USP37: variants seen among roughly 807,000 people sequenced by gnomAD.
The protein encoded by USP37 is ubiquitin specific peptidase 37, also known as ubiquitin carboxyl-terminal hydrolase 37.
In USP37, 27 loss-of-function variants were observed where a neutral mutation model predicts 124.0. The ratio of observed to expected loss-of-function variants is 0.22; its 90% CI spans 0.16 to 0.30. The LOEUF is 0.30. USP37 is among the 10% of genes least tolerant of loss of function. USP37 has a pLI of 1.00. For synonymous variants in USP37, 365 were observed against 388.0 expected, an observed-to-expected ratio of 0.94 and a Z score of 0.70; for missense variants, 889 against 1,140.4, an observed-to-expected ratio of 0.78 and a Z score of 3.17.
intron 23 of USP37, among the ~76,000 whole-genome samples, chr2:218,459,300 G>C (rs950673339): frequency 6.6e-6 from 1 of 152,116 alleles, no homozygotes; most frequent in Non-Finnish European, 1.5e-5. Flanking sequence ...CTCTTCCCAG[G>C]TTCAGGTGAT....
chr2:218,557,039 A>G (rs1693025755), intron 4 of USP37, among the ~76,000 whole-genome samples: 1 of 148,616 alleles, frequency 6.7e-6, no homozygotes, highest in Non-Finnish European at 1.5e-5. Context: ...TTTGTTTCTG[A>G]ATTTTTTTTT....
chr2:218,512,814 G>A (rs758749732), intron 10 of USP37, among the ~76,000 whole-genome samples: 1 of 151,970 alleles, frequency 6.6e-6, no homozygotes, highest in Non-Finnish European at 1.5e-5. Flanking sequence ...TCTTTATATT[G>A]TAGTTGTTTC....
chr2:218,550,019 G>A, intron 5 of USP37, 110 bp from the exon 6 acceptor site: 1 of 757,042 alleles, frequency 1.3e-6, no homozygotes, highest in South Asian at 3.0e-5. Flanking sequence ...CGAAACAGCA[G>A]GCAAAAAAGA....
At chr2:218,471,020 A>G (rs527835006) in intron 20 of USP37, among the ~76,000 whole-genome samples, 57 of 152,312 alleles carry the variant, frequency 3.7e-4, no homozygotes, top group African/African-American at 1.3e-3. Context: ...GACATCATGG[A>G]GACTGAGAAA....
chr2:218,498,339 A>T (rs914892480), intron 11 of USP37, 182 bp from the exon 12 acceptor site: 2 of 467,290 alleles, frequency 4.3e-6, no homozygotes, highest in Non-Finnish European at 7.0e-6. Context: ...TGTCCAAAAA[A>T]AGAAGGCACA....
intron 8 of USP37, among the ~76,000 whole-genome samples, chr2:218,540,992 TTTAAAAGTGCAGAATGAAGAGGATCTCA>T (rs1691942103): frequency 6.6e-6 from 1 of 152,160 alleles, no homozygotes. Flanking sequence ...TGCAATACCC[TTTAAAAGTGCAGAATGAAGAGGATCTCA>T]TTAAGAATGG....
At chr2:218,497,646 GCCCA>G in intron 13 of USP37, 84 bp downstream of exon 13, 3 of 1,532,648 alleles carry the variant, frequency 2.0e-6, no homozygotes, top group Non-Finnish European at 2.7e-6. Context: ...CAGGTGACCT[GCCCA>G]CCTAGGCCTC....
chr2:218,493,487 T>C (rs1162545269), intron 14 of USP37, among the ~76,000 whole-genome samples: 1 of 152,232 alleles, frequency 6.6e-6, no homozygotes, highest in East Asian at 1.9e-4. Flanking sequence ...CTTTCTTTTT[T>C]TGAGATGGAG....
chr2:218,459,797 T>C lies in USP37; in HGVS notation c.2636A>G (p.Asn879Ser). The C allele has an allele frequency of 1.2e-6, 2 of 1,612,856 alleles. No homozygotes were observed. The highest frequency in any genetic ancestry group is 1.7e-6 in the Non-Finnish European group (2 of 1,179,164). The change falls in exon 23 of 26, where the codon AAT becomes AGT. Residue 879 changes from asparagine to serine, a missense_variant. Coordinates refer to ENST00000258399, the MANE Select transcript of USP37 (RefSeq NM_020935.3). ...AGGAATGAAAACAATTACCTCAGCA[T>C]TTCTTTTCAGTTCCTCAGCTTCAGC... Reference protein sequence around the residue: ...TEAEAEELKRNAETGNLPHSY... With the variant: ...TEAEAEELKRSAETGNLPHSY...
chr2:218,514,378 T>A (rs554423119), intron 10 of USP37: 34 of 152,340 alleles, frequency 2.2e-4, no homozygotes, highest in African/African-American at 7.9e-4. Context: ...CTTCTTTTTT[T>A]AATGGCTTTG....
intron 9 of USP37, among the ~76,000 whole-genome samples, chr2:218,532,700 C>T (rs896354964): frequency 6.6e-6 from 1 of 151,874 alleles, no homozygotes; most frequent in African/African-American, 2.4e-5. Context: ...GAGGCTGAGG[C>T]AGTGGATCAC....
At chr2:218,459,587 T>C (rs1574833371) in intron 23 of USP37, among the ~76,000 whole-genome samples, 1 of 150,626 alleles carries the variant, frequency 6.6e-6, no homozygotes, top group East Asian at 1.9e-4. Flanking sequence ...GTATTCCTGT[T>C]TTTTTTGTTT....
intron 10 of USP37, among the ~76,000 whole-genome samples, chr2:218,510,784 G>T (rs1241294198): frequency 6.6e-6 from 1 of 152,094 alleles, no homozygotes; most frequent in Non-Finnish European, 1.5e-5. Context: ...CTTGAGCTCA[G>T]GAGTTTGAGA....
At chr2:218,513,980 T>C (rs941907642) in intron 10 of USP37, among the ~76,000 whole-genome samples, 1 of 152,090 alleles carries the variant, frequency 6.6e-6, no homozygotes, top group Non-Finnish European at 1.5e-5. Flanking sequence ...CTGCTAATTT[T>C]TTTTTTAACT....
In USP37 at chr2:218,454,734, G is replaced by A. The variant is rs763103426; in HGVS notation, c.*196C>T. The A allele has an allele frequency of 4.3e-4, 468 of 1,096,282 alleles. 1 individual carries two copies. The highest frequency in any genetic ancestry group is 1.3e-4 in the Admixed American group (4 of 31,554). The allele number at this position is 1,096,282 out of a possible 1,614,324, so 67.9% of individuals were successfully genotyped here. On this transcript the variant is annotated 3_prime_UTR_variant, in exon 26 of 26. Transcript: ENST00000258399. Reference sequence around the variant, plus strand: ...GGAGAAAAAGAGGATAATCAGCTACGGATGTGAGACCAAAGTTTCCATAAA... The same window carrying A: ...GGAGAAAAAGAGGATAATCAGCTACAGATGTGAGACCAAAGTTTCCATAAA...
intron 8 of USP37, among the ~76,000 whole-genome samples, chr2:218,537,909 G>A (rs1452139806): frequency 6.6e-6 from 1 of 152,202 alleles, no homozygotes; most frequent in East Asian, 1.9e-4. Context: ...AAGAGACAGA[G>A]CATCTGACTG....
At chr2:218,557,930 C>CAAAAAAAAAAAAAAAAAAAAAAAA (rs61488353) in intron 4 of USP37, among the ~76,000 whole-genome samples, 14 of 35,664 alleles carry the variant, frequency 3.9e-4, no homozygotes, top group African/African-American at 5.8e-4. Flanking sequence ...GACTCTGTCT[C>CAAAAAAAAAAAAAAAAAAAAAAAA]AAAAAAAAAA....
At chr2:218,544,451 A>AGAGAGAGAGT (rs1692213475) in intron 8 of USP37, among the ~76,000 whole-genome samples, 1 of 144,752 alleles carries the variant, frequency 6.9e-6, no homozygotes, top group Non-Finnish European at 1.5e-5. Flanking sequence ...AGAGAGAGAG[A>AGAGAGAGAGT]GAGAGAGAGA....
intron 10 of USP37, among the ~76,000 whole-genome samples, chr2:218,514,723 C>A (rs549745283): frequency 6.6e-6 from 1 of 152,140 alleles, no homozygotes; most frequent in African/African-American, 2.4e-5. Flanking sequence ...AATTTTAGCA[C>A]CCAATGATAC....
Sources: gnomAD v4.1 joint callset for allele counts (sites outside exome capture counted in the v4.1 genomes callset) on GRCh38, gnomAD v4.1.1 for gene constraint, MANE v1.5 for transcripts, NCBI Gene and HGNC (gene_info 2026-07-23, HGNC 2026-07-21) for gene names.